The following ZSCAN5A variants were observed in gnomAD, a reference collection of about 807,000 sequenced individuals.
The protein encoded by ZSCAN5A is zinc finger and SCAN domain-containing protein 5A.
In ZSCAN5A, 12 loss-of-function variants were observed where a neutral mutation model predicts 23.7. The observed-to-expected ratio is 0.51, with a 90% CI of 0.32 to 0.82. The LOEUF is 0.82. ZSCAN5A is among the 40% of genes least tolerant of loss of function. The pLI, the probability that ZSCAN5A is intolerant of heterozygous loss-of-function variation, is 0.03. For synonymous variants in ZSCAN5A, 257 were observed against 239.9 expected (o/e 1.07, Z -0.66); for missense variants, 597 against 617.9 (o/e 0.97, Z 0.36).
chr19:56,313,810 TTA>T (rs2041195215), intron 1 of ZSCAN5A, among the ~76,000 whole-genome samples: 1 of 152,136 alleles, frequency 6.6e-6, no homozygotes, highest in South Asian at 2.1e-4. Flanking sequence ...TAAAATGAAG[TTA>T]ATGTGTCAGA....
In ZSCAN5A at chr19:56,221,769, T is replaced by A; in HGVS notation, c.1297A>T (p.Ser433Cys). 1.9e-6 allele frequency: 3 copies of A among 1,614,226 alleles called. No homozygotes were observed. Among genetic ancestry groups the A allele is most frequent in the Non-Finnish European group, 2.5e-6 (3 of 1,180,030 alleles). Residue 433 changes from serine (S) to cysteine (C), a missense_variant, in exon 6 of 6, where the codon AGC becomes TGC. By Grantham distance (112) the Ser-to-Cys change is moderately radical. Coordinates refer to ENST00000683990, the MANE Select transcript of ZSCAN5A (RefSeq NM_001322064.3). ...QKSYLKCHKR[S>C]HTGEKPFECK... ...TCGAAGGGCTTCTCCCCTGTGTGGC[T>A]TCTCTTGTGACACTTCAAGTAGGAC...
intron 2 of ZSCAN5A, chr19:56,322,281 T>C: frequency 1.8e-6 from 2 of 1,134,260 alleles, no homozygotes; most frequent in Non-Finnish European, 1.3e-6. Context: ...TCAACAAGAA[T>C]TGTCCCTTTC....
chr19:56,342,586 G>A (rs1262894155), intron 2 of ZSCAN5A: 1 of 393,662 alleles, frequency 2.5e-6, no homozygotes, highest in East Asian at 5.6e-5. Context: ...TTGTCAAGCA[G>A]AAGCTGACTC....
chr19:56,257,117 C>T (rs772645376), intron 2 of ZSCAN5A, among the ~76,000 whole-genome samples: 3 of 152,152 alleles, frequency 2.0e-5, no homozygotes, highest in Non-Finnish European at 4.4e-5. Flanking sequence ...CCTCAAAAGA[C>T]AGAGTGTGGA....
chr19:56,311,241 T>A (rs2041017468), intron 2 of ZSCAN5A, among the ~76,000 whole-genome samples: 1 of 152,198 alleles, frequency 6.6e-6, no homozygotes, highest in Admixed American at 6.5e-5. Context: ...CCTATAGCCA[T>A]CTTGCTCATT....
intron 2 of ZSCAN5A, among the ~76,000 whole-genome samples, chr19:56,249,624 C>T (rs1189272802): frequency 6.6e-6 from 1 of 152,208 alleles, no homozygotes. Flanking sequence ...CTCGCCAATG[C>T]TCTGCACCAT....
At chr19:56,299,334 T>C (rs768688217) in intron 2 of ZSCAN5A, among the ~76,000 whole-genome samples, 4 of 151,988 alleles carry the variant, frequency 2.6e-5, no homozygotes, top group Admixed American at 6.6e-5. Flanking sequence ...GGTCTCCCTA[T>C]GTTGCCCAGG....
chr19:56,302,525 CCTCCCTCT>C (rs1238641444), intron 2 of ZSCAN5A, among the ~76,000 whole-genome samples: 5 of 93,066 alleles, frequency 5.4e-5, no homozygotes, highest in African/African-American at 1.6e-4. Flanking sequence ...TTCCTCCCTC[CCTCCCTCT>C]TCTTCCTCCC....
intron 2 of ZSCAN5A, among the ~76,000 whole-genome samples, chr19:56,278,269 G>T (rs2038417979): frequency 6.6e-6 from 1 of 152,134 alleles, no homozygotes; most frequent in Non-Finnish European, 1.5e-5. Context: ...AAGTAGCTGG[G>T]ACTATAGGTG....
At chr19:56,301,828 G>A in intron 2 of ZSCAN5A, 1 of 958,290 alleles carries the variant, frequency 1.0e-6, no homozygotes, top group South Asian at 5.5e-5. Flanking sequence ...CAGTGATGGT[G>A]GGTGTGGACC....
chr19:56,329,014 T>TAA (rs373656360), intron 2 of ZSCAN5A, among the ~76,000 whole-genome samples: 5 of 140,644 alleles, frequency 3.6e-5, no homozygotes, highest in African/African-American at 1.4e-4. Flanking sequence ...AAAAAATAAA[T>TAA]AAATAAATAA....
chr19:56,312,444 A>C (rs1486285834), intron 2 of ZSCAN5A: 1 of 152,252 alleles, frequency 6.6e-6, no homozygotes, highest in East Asian at 1.9e-4. Flanking sequence ...GTACACCTCA[A>C]AACTGTCAAA....
intron 2 of ZSCAN5A, among the ~76,000 whole-genome samples, chr19:56,274,325 G>A (rs1272376555): frequency 6.6e-6 from 1 of 151,918 alleles, no homozygotes; most frequent in Non-Finnish European, 1.5e-5. Context: ...ATGGTAGTAG[G>A]GGCCTGTAAT....
At chr19:56,355,064 G>A (rs1568765950) in intron 2 of ZSCAN5A, among the ~76,000 whole-genome samples, 1 of 152,196 alleles carries the variant, frequency 6.6e-6, no homozygotes, top group Non-Finnish European at 1.5e-5. Context: ...GGAAATGTGG[G>A]TGTGACACTG....
At chr19:56,285,053 C>T (rs1600184066) in intron 2 of ZSCAN5A, 1 of 983,142 alleles carries the variant, frequency 1.0e-6, no homozygotes, top group Non-Finnish European at 1.2e-6. Flanking sequence ...TCTTTTAAAC[C>T]TGGTCTTTCT....
At chr19:56,243,548 T>C (rs926078369) in intron 2 of ZSCAN5A, among the ~76,000 whole-genome samples, 1 of 152,214 alleles carries the variant, frequency 6.6e-6, no homozygotes, top group African/African-American at 2.4e-5. Context: ...GTAATTATGA[T>C]GAAGGGCTTT....
At chr19:56,317,404 C>T (rs1158502398), upstream of ZSCAN5A, 1 of 152,244 alleles carries the variant, frequency 6.6e-6, no homozygotes, top group East Asian at 1.9e-4. Context: ...AGCAAGGGAC[C>T]CTAAAACCAA....
rs189634619 is a variant in ZSCAN5A at position 56,245,354 on chromosome 19, C to T, written c.-127-20181G>A. 770 of 750,582 alleles carry T rather than the reference C, an allele frequency of 1.0e-3. 2 individuals carry two copies. Among genetic ancestry groups the T allele is most frequent in the Non-Finnish European group, 1.3e-3 (532 of 403,870 alleles). The allele number at this position is 750,582 out of a possible 1,614,324, so 46.5% of individuals were successfully genotyped here. ...GCGGGCCTCCTCTGTGAATGAGATG[C>T]GTCCGGGGGAAGGCCAGGCCAGCCA... On this transcript the variant is annotated intron_variant, in intron 2 of 5. Transcript: ENST00000683990.
At chr19:56,301,793 T>C (rs916992759) in intron 2 of ZSCAN5A, 9 of 578,218 alleles carry the variant, frequency 1.6e-5, no homozygotes, top group South Asian at 9.4e-5. Flanking sequence ...TGGAGTATGG[T>C]GGTAACCAAG....
Sources: allele counts gnomAD v4.1 joint callset (sites outside exome capture counted in the v4.1 genomes callset), GRCh38; gene constraint gnomAD v4.1.1; transcripts MANE v1.5; gene names NCBI Gene and HGNC (gene_info 2026-07-23, HGNC 2026-07-21).